The following UMODL1 variants were observed in gnomAD, a reference collection of about 807,000 sequenced individuals.
UMODL1 encodes uromodulin-like 1.
Under a neutral mutation model 136.3 loss-of-function variants are expected in UMODL1, and 128 were observed. The observed-to-expected ratio is 0.94, with a 90% CI of 0.81 to 1.09. The LOEUF (loss-of-function observed/expected upper bound fraction) is 1.09, where lower values mean the gene tolerates loss of function less well. Among genes scored for constraint, UMODL1 ranks in the 50% least tolerant of loss-of-function variants. The pLI is 0.00. For synonymous variants in UMODL1, 721 were observed against 720.0 expected, an observed-to-expected ratio of 1.00 and a Z score of -0.02; for missense variants, 1,766 against 1,725.6, an observed-to-expected ratio of 1.02 and a Z score of -0.41.
intron 20 of UMODL1, chr21:42,128,049 ATTTCTCAATGGCTGAGCTGAGTTCCTTC>A: frequency 1.5e-6 from 1 of 667,706 alleles, no homozygotes; most frequent in Non-Finnish European, 2.7e-6. Context: ...GGCATTTCCC[ATTTCTCAATGGCTGAGCTGAGTTCCTTC>A]TTGAGGCCAT....
chr21:42,078,131 CCAA>C (rs1363454437), intron 2 of UMODL1, among the ~76,000 whole-genome samples: 1 of 152,170 alleles, frequency 6.6e-6, no homozygotes, highest in Non-Finnish European at 1.5e-5. Context: ...ACCTCCATCA[CCAA>C]CAGAAACCAG....
chr21:42,113,964 C>A, intron 13 of UMODL1, 134 bp downstream of exon 13: 2 of 1,305,400 alleles, frequency 1.5e-6, no homozygotes, highest in Admixed American at 2.7e-5. Context: ...TTAGGGACAT[C>A]CGGCTGGCTT....
intron 9 of UMODL1, among the ~76,000 whole-genome samples, chr21:42,104,496 C>T (rs955456717): frequency 6.6e-6 from 1 of 151,054 alleles, no homozygotes; most frequent in Non-Finnish European, 1.5e-5. Flanking sequence ...GTTGCCCAGG[C>T]TGGAGTGCAA....
chr21:42,129,538 A>G (rs1211115530), intron 20 of UMODL1, among the ~76,000 whole-genome samples, 175 bp from the exon 21 acceptor site: 1 of 152,086 alleles, frequency 6.6e-6, no homozygotes, highest in Non-Finnish European at 1.5e-5. Flanking sequence ...ACCAGGACCC[A>G]CCACCCTGGT....
intron 1 of UMODL1, among the ~76,000 whole-genome samples, chr21:42,072,251 A>G (rs1430512458): frequency 1.3e-5 from 2 of 152,224 alleles, no homozygotes; most frequent in East Asian, 3.8e-4. Context: ...GGGAGTTCTG[A>G]AACCCCAGAA....
At chr21:42,082,285 C>T (rs1437911053) in intron 2 of UMODL1, among the ~76,000 whole-genome samples, 4 of 152,276 alleles carry the variant, frequency 2.6e-5, no homozygotes, top group African/African-American at 7.2e-5. Flanking sequence ...TTGGGGGACC[C>T]GAGAGGCCAG....
intron 6 of UMODL1, chr21:42,093,922 G>T (rs1476960307): frequency 8.8e-6 from 4 of 456,668 alleles, no homozygotes; most frequent in South Asian, 3.1e-5. Flanking sequence ...ACATCCCACG[G>T]CACCCCACTA....
Position 42,085,273 on chromosome 21 carries a change from G to C in UMODL1, c.482-18G>C. The C allele has an allele frequency of 1.2e-6, 2 of 1,613,066 alleles. No individual in the cohort carries two copies. The highest frequency in any genetic ancestry group is 1.7e-6 in the Non-Finnish European group (2 of 1,179,374). On this transcript the variant is annotated intron_variant, in intron 3 of 22. Transcript: ENST00000408910. This position sits in a 1 kb window ranked among gnomAD's most constrained non-coding sequence, Gnocchi z 4.5. The stretch of plus-strand genomic sequence containing the variant: ...ACCTGTCCTGGGTCCATAATCATCA[G>C]TGTTTTCCCTTGTGTAGCTCCAGAG...
At position 42,127,144 on chromosome 21, in the gene UMODL1, C is replaced by T. The variant is rs187079310; in HGVS notation, c.3432C>T (p.Tyr1144=). 1.8e-3 allele frequency: 2,915 copies of T among 1,614,196 alleles called. 9 individuals are homozygous for T. Among genetic ancestry groups the T allele is most frequent in the South Asian group, 2.0e-3 (186 of 91,078 alleles). The stretch of plus-strand genomic sequence containing the variant: ...ATGTCAGGATCGAAGTGGGGCTCTA[C>T]AGGCAGAAAAGCAACCTCAAGGTGG... ...SDDVRIEVGL[Y]RQKSNLKVVL... The change falls in exon 19 of 23, where the codon TAC becomes TAT. Residue 1144 remains tyrosine, a synonymous_variant. Coordinates refer to ENST00000408910, the MANE Select transcript of UMODL1 (RefSeq NM_001004416.3).
chr21:42,066,977 C>T (rs1465858777), upstream of UMODL1, among the ~76,000 whole-genome samples: 1 of 132,836 alleles, frequency 7.5e-6, no homozygotes, highest in Non-Finnish European at 1.6e-5. Context: ...TTTTTTCTTT[C>T]TTTTTTTTTT....
At chr21:42,121,365 G>A in intron 16 of UMODL1, 141 bp downstream of exon 16, 3 of 899,698 alleles carry the variant, frequency 3.3e-6, no homozygotes, top group Non-Finnish European at 3.3e-6. Flanking sequence ...TGATGTGGGT[G>A]CACGTGTGTG....
intron 14 of UMODL1, among the ~76,000 whole-genome samples, chr21:42,116,355 A>G (rs913215994): frequency 4.9e-4 from 66 of 134,824 alleles, no homozygotes; most frequent in African/African-American, 1.6e-3. Context: ...CCCTGTGGGA[A>G]AAAAAAAAAA....
At chr21:42,120,290 C>G (rs563666105) in intron 15 of UMODL1, among the ~76,000 whole-genome samples, 112 of 152,342 alleles carry the variant, frequency 7.4e-4, no homozygotes, top group Non-Finnish European at 1.0e-3. Context: ...ATAAATCAAA[C>G]GCTTTCAAAG....
At chr21:42,094,129 G>T in intron 6 of UMODL1, 1 of 366,034 alleles carries the variant, frequency 2.7e-6, no homozygotes, top group African/African-American at 2.1e-5. Context: ...GTGTTGCTTG[G>T]CACAGTGAAC....
chr21:42,095,209 C>A (rs2066543089), intron 6 of UMODL1, among the ~76,000 whole-genome samples: 1 of 146,658 alleles, frequency 6.8e-6, no homozygotes, highest in South Asian at 2.2e-4. Flanking sequence ...ATCCTCCTAG[C>A]TCAGCCCCCC....
rs2067006301 is a variant in UMODL1 at position 42,123,369 on chromosome 21, T to G, written c.3147+219T>G. 6.6e-6 allele frequency among the ~76,000 whole-genome samples: 1 copy of G among 152,016 alleles called. No homozygotes were observed. The highest frequency in any genetic ancestry group is 1.5e-5 in the Non-Finnish European group (1 of 67,992). ...ACCCAGGAGGGACTCTGGTGCAGAG[T>G]GCTGGGGCAGGCTTCAGAGTCACGG... On this transcript the variant is annotated intron_variant, in intron 17 of 22. Coordinates refer to ENST00000408910, the MANE Select transcript of UMODL1 (RefSeq NM_001004416.3). The surrounding 1 kb of genome is among the most constrained non-coding windows in gnomAD (Gnocchi z 4.4).
At position 42,109,672 on chromosome 21, in the gene UMODL1, C is replaced by G. The variant is rs372915114; in HGVS notation, c.1630C>G (p.Pro544Ala). 6.2e-7 allele frequency: 1 copy of G among 1,606,008 alleles called. No individual in the cohort carries two copies. The highest frequency in any genetic ancestry group is 1.7e-5 in the Admixed American group (1 of 59,996). ...GTGCCGTACCACCAGGGACGCCACC[C>G]CCTCCCGCGCAGGCCGGGCCTGTGA... ...CQCRTTRDAT[P>A]SRAGRACEGD... is the part of the protein sequence containing the mutation. Residue 544 changes from proline (P) to alanine (A), a missense_variant, in exon 10 of 23, where the codon CCC (proline) becomes GCC (alanine). Transcript: ENST00000408910.
intron 1 of UMODL1, among the ~76,000 whole-genome samples, chr21:42,065,600 T>C (rs1398474240): frequency 6.6e-6 from 1 of 151,630 alleles, no homozygotes; most frequent in Non-Finnish European, 1.5e-5. Context: ...TACAGTGGCA[T>C]GATCTTGGCT....
intron 22 of UMODL1, among the ~76,000 whole-genome samples, chr21:42,138,842 T>C (rs2067243267): frequency 6.6e-6 from 1 of 152,194 alleles, no homozygotes; most frequent in Non-Finnish European, 1.5e-5. Context: ...CTCAAAGTGC[T>C]GGGATTACAG....
Sources: gnomAD v4.1 joint callset for allele counts (sites outside exome capture counted in the v4.1 genomes callset) on GRCh38, gnomAD v4.1.1 for gene constraint, Gnocchi (gnomAD v3.1) non-coding constraint, MANE v1.5 for transcripts, NCBI Gene and HGNC (gene_info 2026-07-23, HGNC 2026-07-21) for gene names.